The following ROBO2 variants were observed in gnomAD, a reference collection of about 807,000 sequenced individuals.
ROBO2 encodes roundabout homolog 2.
A neutral mutation model predicts 160.8 loss-of-function variants in ROBO2; 53 were observed. The observed-to-expected ratio is 0.33, with a 90% CI of 0.26 to 0.41. ROBO2 has a LOEUF of 0.41. ROBO2 is among the 10% of genes least tolerant of loss of function. The pLI, the probability that ROBO2 is intolerant of heterozygous loss-of-function variation, is 1.00. For missense variants in ROBO2, 1,577 were observed against 1,722.4 expected (o/e 0.92, Z 1.49); for synonymous variants, 664 against 611.7 (o/e 1.09, Z -1.26).
At chr3:76,404,803 C>T (rs6799222) in intron 2 of ROBO2, among the ~76,000 whole-genome samples, 28,008 of 151,134 alleles carry the variant, frequency 0.19, 3,043 homozygotes, top group African/African-American at 0.3. Context: ...ATATAGAAAA[C>T]GGAGAAAATT....
rs528358858 is a variant in ROBO2, at chr3:76,016,648, T to TA, written c.109+79054dup. Reference sequence around the variant, plus strand: ...GTATTGGTATTATTTCAATTTTCAATAAAAAAAATAAACTGGTATATGCAA... The same window carrying TA: ...GTATTGGTATTATTTCAATTTTCAATAAAAAAAAATAAACTGGTATATGCAA... On this transcript the variant is annotated intron_variant, in intron 2 of 26. Coordinates refer to the ROBO2 transcript ENST00000487694. Among the ~76,000 whole-genome samples the TA allele has an allele frequency of 2.6e-4, 39 of 151,772 alleles. No homozygotes were observed. The Middle Eastern group carries it at 0.01, about 40-fold the overall frequency.
intron 11 of ROBO2, chr3:77,564,420 T>A (rs2093422489): frequency 2.2e-6 from 1 of 455,544 alleles, no homozygotes; most frequent in South Asian, 1.6e-5. Context: ...GGGAAAATAT[T>A]CATTACCTGC....
chr3:76,833,234 A>T (rs892680216), intron 2 of ROBO2, among the ~76,000 whole-genome samples: 25 of 152,288 alleles, frequency 1.6e-4, no homozygotes, highest in African/African-American at 6.0e-4. Flanking sequence ...CTGGTTATAT[A>T]GTCCGCGGAC....
At chr3:76,440,225 T>C (rs1373624196) in intron 2 of ROBO2, among the ~76,000 whole-genome samples, 2 of 152,154 alleles carry the variant, frequency 1.3e-5, no homozygotes, top group Non-Finnish European at 2.9e-5. Flanking sequence ...AGCAAGAATT[T>C]TAGTAAAAGT....
intron 2 of ROBO2, among the ~76,000 whole-genome samples, chr3:76,005,408 G>T (rs2065993040): frequency 6.6e-6 from 1 of 152,162 alleles, no homozygotes; most frequent in Non-Finnish European, 1.5e-5. Flanking sequence ...AGGAACTGAA[G>T]ATTCCTATGT....
intron 16 of ROBO2, among the ~76,000 whole-genome samples, chr3:77,587,454 CATGACACTGAGG>C (rs1184792322): frequency 6.6e-6 from 1 of 152,094 alleles, no homozygotes; most frequent in Non-Finnish European, 1.5e-5. Flanking sequence ...ATTTATCACT[CATGACACTGAGG>C]TTGACTGAGA....
chr3:77,021,158 A>T (rs1559855978), intron 2 of ROBO2, among the ~76,000 whole-genome samples: 1 of 152,124 alleles, frequency 6.6e-6, no homozygotes, highest in Non-Finnish European at 1.5e-5. Flanking sequence ...CTATAACTGC[A>T]CCATTGCACT....
chr3:77,240,101 A>G (rs9870010), intron 2 of ROBO2, among the ~76,000 whole-genome samples: 50,566 of 151,962 alleles, frequency 0.33, 9,785 homozygotes, highest in East Asian at 0.78. Context: ...GCACTCCTCA[A>G]CCCTTGGGAG....
At chr3:77,397,857 C>A (rs2075424367) in intron 2 of ROBO2, among the ~76,000 whole-genome samples, 1 of 151,710 alleles carries the variant, frequency 6.6e-6, no homozygotes. Flanking sequence ...AATTTGTCTG[C>A]AAAACCGTTT....
intron 2 of ROBO2, among the ~76,000 whole-genome samples, chr3:77,434,333 A>T (rs2079077549): frequency 6.6e-6 from 1 of 152,078 alleles, no homozygotes; most frequent in African/African-American, 2.4e-5. Flanking sequence ...TCCCATTTGC[A>T]ACTGTATTCA....
At chr3:77,106,499 C>T (rs2072825402) in intron 2 of ROBO2, among the ~76,000 whole-genome samples, 1 of 152,134 alleles carries the variant, frequency 6.6e-6, no homozygotes, top group Admixed American at 6.5e-5. Context: ...CGGCAGAATA[C>T]AGATTTCCAA....
intron 2 of ROBO2, among the ~76,000 whole-genome samples, chr3:76,990,966 G>A (rs555626536): frequency 6.6e-6 from 1 of 152,268 alleles, no homozygotes; most frequent in African/African-American, 2.4e-5. Context: ...AGAATTAGGG[G>A]AGAAGGGTAG....
intron 2 of ROBO2, among the ~76,000 whole-genome samples, chr3:77,364,429 T>C (rs561032799): frequency 6.6e-6 from 1 of 152,290 alleles, no homozygotes; most frequent in Non-Finnish European, 1.5e-5. Context: ...TTCATTATTC[T>C]TGACAGTATG....
intron 2 of ROBO2, among the ~76,000 whole-genome samples, chr3:76,229,640 C>T (rs1463614142): frequency 2.0e-5 from 3 of 152,046 alleles, no homozygotes; most frequent in African/African-American, 7.2e-5. Context: ...TCTCTATATT[C>T]ACATCAGGAA....
intron 2 of ROBO2, among the ~76,000 whole-genome samples, chr3:76,296,258 A>C (rs537297818): frequency 2.0e-5 from 3 of 152,320 alleles, no homozygotes; most frequent in Admixed American, 2.0e-4. Context: ...AGCCCCAGAG[A>C]AAGCTTGGCC....
intron 2 of ROBO2, among the ~76,000 whole-genome samples, chr3:76,646,386 G>C (rs2090971311): frequency 6.6e-6 from 1 of 152,152 alleles, no homozygotes; most frequent in African/African-American, 2.4e-5. Flanking sequence ...GGAATAGATG[G>C]GCCATTGATT....
intron 2 of ROBO2, among the ~76,000 whole-genome samples, chr3:76,873,827 G>GAAA (rs2072404422): frequency 6.6e-6 from 1 of 152,142 alleles, no homozygotes; most frequent in South Asian, 2.1e-4. Context: ...GCTTAGAAAA[G>GAAA]AGGTTCTCTT....
chr3:76,920,455 A>T (rs2076586454), intron 2 of ROBO2, among the ~76,000 whole-genome samples: 1 of 152,218 alleles, frequency 6.6e-6, no homozygotes, highest in Admixed American at 6.5e-5. Context: ...AATTGGAGGC[A>T]TAAAAGTTCA....
chr3:77,567,887 T>A (rs1173375981), intron 12 of ROBO2, among the ~76,000 whole-genome samples: 1 of 151,990 alleles, frequency 6.6e-6, no homozygotes, highest in African/African-American at 2.4e-5. Context: ...TCCCTTAGCA[T>A]CAGTTTTTAG....
Sources: gnomAD v4.1 joint callset for allele counts (sites outside exome capture counted in the v4.1 genomes callset) on GRCh38, gnomAD v4.1.1 for gene constraint, MANE v1.5 for transcripts, NCBI Gene and HGNC (gene_info 2026-07-23, HGNC 2026-07-21) for gene names.